The following CMTM7 variants were observed in gnomAD, a reference collection of about 807,000 sequenced individuals.
CMTM7 encodes the protein CKLF-like MARVEL transmembrane domain-containing protein 7.
CMTM7 carries 7 observed loss-of-function variants against 19.3 expected under a neutral mutation model. The observed-to-expected ratio is 0.36, with a 90% CI of 0.21 to 0.68. The LOEUF is 0.68. Among genes scored for constraint, CMTM7 ranks in the 30% least tolerant of loss-of-function variants. CMTM7 has a pLI of 0.60. For synonymous variants in CMTM7, 87 were observed against 99.3 expected (o/e 0.88, Z 0.74); for missense variants, 193 against 232.6 (o/e 0.83, Z 1.11).
intron 4 of CMTM7, 92 bp downstream of exon 4, chr3:32,452,565 G>A: frequency 7.6e-7 from 1 of 1,309,972 alleles, no homozygotes; most frequent in Non-Finnish European, 1.1e-6. Flanking sequence ...CCCTGCTGTT[G>A]AGAAGGCTGT....
At chr3:32,393,785 A>G (rs1365747592) in intron 1 of CMTM7, among the ~76,000 whole-genome samples, 1 of 151,712 alleles carries the variant, frequency 6.6e-6, no homozygotes, top group Non-Finnish European at 1.5e-5. Flanking sequence ...AAAAAAAAAA[A>G]AAAAAAGGTA....
At chr3:32,403,286 C>T (rs1240335018) in intron 1 of CMTM7, among the ~76,000 whole-genome samples, 1 of 152,184 alleles carries the variant, frequency 6.6e-6, no homozygotes, top group Non-Finnish European at 1.5e-5. Context: ...GCTATCTCTG[C>T]TCACTGCAGT....
chr3:32,394,091 T>C (rs1027857325), intron 1 of CMTM7, among the ~76,000 whole-genome samples: 1 of 152,234 alleles, frequency 6.6e-6, no homozygotes, highest in African/African-American at 2.4e-5. Flanking sequence ...GCAGGCTTGT[T>C]TGATCAGACC....
chr3:32,403,231 T>C (rs1366280243), intron 1 of CMTM7, among the ~76,000 whole-genome samples: 1 of 152,220 alleles, frequency 6.6e-6, no homozygotes, highest in Non-Finnish European at 1.5e-5. Context: ...TTGTTTGTTT[T>C]TGAGACAGGG....
chr3:32,430,604 G>A (rs966675604), intron 1 of CMTM7, among the ~76,000 whole-genome samples: 4 of 151,942 alleles, frequency 2.6e-5, no homozygotes, highest in African/African-American at 9.7e-5. Context: ...TGGGTCAGAG[G>A]CAGCCTCGAT....
intron 2 of CMTM7, 97 bp downstream of exon 2, chr3:32,442,110 A>C (rs1575124279): frequency 5.5e-6 from 6 of 1,093,472 alleles, no homozygotes; most frequent in South Asian, 1.4e-5. Flanking sequence ...TGCCCATCTC[A>C]CCTCTTTAAC....
At chr3:32,447,344 G>C (rs1696767542) in intron 2 of CMTM7, among the ~76,000 whole-genome samples, 1 of 152,128 alleles carries the variant, frequency 6.6e-6, no homozygotes, top group Non-Finnish European at 1.5e-5. Flanking sequence ...CCTGGACAAT[G>C]TTCTGTGTAC....
In CMTM7 at chr3:32,406,695, C is replaced by T. The variant is rs72857158; in HGVS notation, c.159+14630C>T. ...CAAGTCAGCTTCCCTAAAAGCAGAA[C>T]TAGTAGATATGGGGATTCTTGTGCA... On this transcript the variant is annotated intron_variant, in intron 1 of 4. Transcript: ENST00000334983. Among the ~76,000 whole-genome samples, 403 of 152,270 alleles carry T rather than the reference C, an allele frequency of 2.6e-3. 1 individual carries two copies. Among genetic ancestry groups the T allele is most frequent in the African/African-American group, 9.1e-3 (380 of 41,538 alleles).
At chr3:32,398,759 G>A (rs570028914) in intron 1 of CMTM7, among the ~76,000 whole-genome samples, 150 of 152,036 alleles carry the variant, frequency 9.9e-4, no homozygotes, top group African/African-American at 3.1e-3. Context: ...CGAGGCGGGC[G>A]GATGGCTTGA....
At chr3:32,396,073 T>G (rs921245745) in intron 1 of CMTM7, among the ~76,000 whole-genome samples, 1 of 152,172 alleles carries the variant, frequency 6.6e-6, no homozygotes, top group Admixed American at 6.5e-5. Flanking sequence ...TTATATGAAA[T>G]GTCCAGAATA....
chr3:32,438,827 TG>T (rs1265751852), intron 1 of CMTM7, among the ~76,000 whole-genome samples: 1 of 152,228 alleles, frequency 6.6e-6, no homozygotes, highest in African/African-American at 2.4e-5. Flanking sequence ...TTTTGTTGGC[TG>T]GGAAACTTCC....
chr3:32,399,464 G>T (rs76676424), intron 1 of CMTM7, among the ~76,000 whole-genome samples: 6 of 152,072 alleles, frequency 3.9e-5, no homozygotes, highest in African/African-American at 1.4e-4. Context: ...GTACACTAAG[G>T]TTTCTTGGCA....
intron 1 of CMTM7, among the ~76,000 whole-genome samples, chr3:32,408,888 CTTT>C (rs776686894): frequency 6.8e-6 from 1 of 146,446 alleles, no homozygotes. Context: ...ATTTTTGTAA[CTTT>C]TTTTTTTTTT....
intron 2 of CMTM7, among the ~76,000 whole-genome samples, chr3:32,442,498 C>CAAAAAAAAAAAA (rs59568281): frequency 1.9e-4 from 15 of 80,050 alleles, no homozygotes; most frequent in African/African-American, 7.3e-4. Flanking sequence ...AGACTCCTCT[C>CAAAAAAAAAAAA]AAAAAAAAAA....
intron 1 of CMTM7, among the ~76,000 whole-genome samples, chr3:32,430,702 T>C (rs1696504486): frequency 6.6e-6 from 1 of 150,782 alleles, no homozygotes; most frequent in Admixed American, 6.6e-5. Context: ...TGTGTGTGTG[T>C]GTGTGTGTGT....
At chr3:32,394,590 T>G (rs1426699178) in intron 1 of CMTM7, among the ~76,000 whole-genome samples, 1 of 152,232 alleles carries the variant, frequency 6.6e-6, no homozygotes, top group East Asian at 1.9e-4. Flanking sequence ...CATTTATACA[T>G]GTGTAATTTT....
chr3:32,415,455 G>A (rs116422575), intron 1 of CMTM7, among the ~76,000 whole-genome samples: 3,327 of 152,248 alleles, frequency 0.022, 51 homozygotes, highest in South Asian at 0.053. Context: ...AGGCCCTCCC[G>A]TTGGGATTAA....
At chr3:32,396,266 G>A (rs1695916329) in intron 1 of CMTM7, among the ~76,000 whole-genome samples, 1 of 152,114 alleles carries the variant, frequency 6.6e-6, no homozygotes, top group African/African-American at 2.4e-5. Flanking sequence ...AGCACTTTGG[G>A]AGGCTGAGGT....
At chr3:32,410,082 G>A (rs1012564829) in intron 1 of CMTM7, among the ~76,000 whole-genome samples, 1 of 152,122 alleles carries the variant, frequency 6.6e-6, no homozygotes, top group Non-Finnish European at 1.5e-5. Context: ...TTCCCCTCTG[G>A]ACTGCCCCCT....
Sources: gnomAD v4.1 joint callset for allele counts (sites outside exome capture counted in the v4.1 genomes callset) on GRCh38, gnomAD v4.1.1 for gene constraint, MANE v1.5 for transcripts, NCBI Gene and HGNC (gene_info 2026-07-23, HGNC 2026-07-21) for gene names.